The following SLC30A7 variants were observed in gnomAD, a reference collection of about 807,000 sequenced individuals.
The protein encoded by SLC30A7 is zinc transporter 7.
Under a neutral mutation model 46.0 loss-of-function variants are expected in SLC30A7, and 35 were observed. The ratio of observed to expected loss-of-function variants is 0.76; its 90% CI spans 0.58 to 1.01. The LOEUF (loss-of-function observed/expected upper bound fraction) is 1.01, where lower values mean the gene tolerates loss of function less well. SLC30A7 is among the 50% of genes least tolerant of loss of function. The pLI, the probability that SLC30A7 is intolerant of heterozygous loss-of-function variation, is 0.00. For synonymous variants in SLC30A7, 147 were observed against 157.8 expected, an observed-to-expected ratio of 0.93 and a Z score of 0.51; for missense variants, 464 against 451.1, an observed-to-expected ratio of 1.03 and a Z score of -0.26.
intron 7 of SLC30A7, among the ~76,000 whole-genome samples, chr1:100,920,119 T>C (rs1570531113): frequency 6.6e-6 from 1 of 152,092 alleles, no homozygotes; most frequent in Non-Finnish European, 1.5e-5. Flanking sequence ...CCAGGGACTT[T>C]CCAGTCTAAG....
In SLC30A7 at chr1:100,919,567, A is replaced by AT. The variant is rs573617777; in HGVS notation, c.706+1441dup. Among the ~76,000 whole-genome samples the AT allele has an allele frequency of 6.6e-3, 1,011 of 152,320 alleles. 6 individuals carry two copies. The highest frequency in any genetic ancestry group is 0.011 in the Non-Finnish European group (736 of 68,006). On this transcript the variant is annotated intron_variant, in intron 7 of 10. Transcript: ENST00000357650. ...TTGTTTTAGAATAACATTTGCTGAA[A>AT]TAACATATAATCATGCATATATGAT...
intron 8 of SLC30A7, among the ~76,000 whole-genome samples, chr1:100,938,712 T>A (rs568468208): frequency 6.6e-6 from 1 of 152,218 alleles, no homozygotes. Context: ...TCATTATAGC[T>A]GTGTAACACA....
chr1:100,896,619 C>T lies in SLC30A7; in HGVS notation c.130C>T (p.Leu44=). 1 of 1,614,140 alleles carries T rather than the reference C, an allele frequency of 6.2e-7. No homozygotes were observed. Among genetic ancestry groups the T allele is most frequent in the Non-Finnish European group, 8.5e-7 (1 of 1,180,012 alleles). Residue 44 remains leucine, a synonymous_variant, in exon 2 of 11, where the codon CTG becomes TTG. Coordinates refer to ENST00000357650, the MANE Select transcript of SLC30A7 (RefSeq NM_133496.5). The part of the protein sequence containing the change: ...TSRNLFFFLC[L]NLSFAFVELL... ...CCGGAACCTGTTTTTCTTCCTGTGC[C>T]TGAACCTCTCTTTCGCTTTTGTGGA...
intron 8 of SLC30A7, among the ~76,000 whole-genome samples, chr1:100,933,280 AT>A (rs1414771213): frequency 1.3e-5 from 2 of 151,300 alleles, no homozygotes; most frequent in Non-Finnish European, 1.5e-5. Context: ...GGCCACCACA[AT>A]TTTTTTTAGC....
chr1:100,957,020 A>G (rs1655259189), intron 8 of SLC30A7, among the ~76,000 whole-genome samples: 1 of 152,192 alleles, frequency 6.6e-6, no homozygotes, highest in Non-Finnish European at 1.5e-5. Flanking sequence ...TATATTATTT[A>G]TTTTTGTATT....
intron 8 of SLC30A7, among the ~76,000 whole-genome samples, chr1:100,934,739 A>G (rs1653851481): frequency 6.6e-6 from 1 of 151,548 alleles, no homozygotes; most frequent in Non-Finnish European, 1.5e-5. Context: ...TTTGCTTAGC[A>G]TTTTACATGT....
At position 100,977,416 on chromosome 1, in the gene SLC30A7, G is replaced by T. The variant is rs973899303; in HGVS notation, c.*2559G>T. ...TGCCAGTATACCTATGTGTGCAGCA[G>T]TAAAAAATTAGTGAGAAAAAGCAAC... On this transcript the variant is annotated 3_prime_UTR_variant, in exon 11 of 11. Transcript: ENST00000357650. 4 of 152,166 alleles carry T rather than the reference G, an allele frequency of 2.6e-5. No homozygotes were observed. Among genetic ancestry groups the T allele is most frequent in the African/African-American group, 9.7e-5 (4 of 41,440 alleles). 9.4% of individuals were successfully genotyped at this position (152,166 alleles called of 1,614,324 possible).
rs1250261898 is a variant in SLC30A7 at position 100,976,675 on chromosome 1, T to C, written c.*1818T>C. ...AAGAATGTAGATCAATAAGTACTTT[T>C]TAGTGATGTGGCAGAAATCCCTGTT... On this transcript the variant is annotated 3_prime_UTR_variant, in exon 11 of 11. Transcript: ENST00000357650. 6.6e-6 allele frequency: 1 copy of C among 152,634 alleles called. No individual in the cohort carries two copies. The highest frequency in any genetic ancestry group is 2.4e-5 in the African/African-American group (1 of 41,460). The allele number at this position is 152,634 out of a possible 1,614,324, so 9.5% of individuals were successfully genotyped here.
rs1656631625 is a variant in SLC30A7, at chr1:100,977,790, G to A, written c.*2933G>A. ...TTGTATTAGATGGAATTTCACTCTT[G>A]TCGCCCAGGCTGGAGTGTAGTGGCG... On this transcript the variant is annotated 3_prime_UTR_variant, in exon 11 of 11. Coordinates refer to ENST00000357650, the MANE Select transcript of SLC30A7 (RefSeq NM_133496.5). The A allele has an allele frequency of 6.6e-6, 1 of 151,992 alleles. No individual in the cohort carries two copies. Among genetic ancestry groups the A allele is most frequent in the African/African-American group, 2.4e-5 (1 of 41,368 alleles). 9.4% of individuals were successfully genotyped at this position (151,992 alleles called of 1,614,324 possible).
chr1:100,949,496 C>T (rs567034956), intron 8 of SLC30A7, among the ~76,000 whole-genome samples: 4 of 152,286 alleles, frequency 2.6e-5, no homozygotes, highest in African/African-American at 4.8e-5. Flanking sequence ...GCAGTCTGTC[C>T]GTTCTCAGTG....
At chr1:100,945,487 T>C (rs1188093670) in intron 8 of SLC30A7, among the ~76,000 whole-genome samples, 1 of 152,222 alleles carries the variant, frequency 6.6e-6, no homozygotes, top group Non-Finnish European at 1.5e-5. Flanking sequence ...AAGGATCCAG[T>C]TTCAGCTTTC....
Position 100,898,980 on chromosome 1 carries a change from T to C in SLC30A7, c.182+2309T>C, listed in dbSNP as rs1019142604. ...CACAAATAAAGGTTCATAGAAGCAGTTGATCTAATTTTAACAAATGTTAAA... is the reference window on the plus strand; with the variant it reads ...CACAAATAAAGGTTCATAGAAGCAGCTGATCTAATTTTAACAAATGTTAAA... On this transcript the variant is annotated intron_variant, in intron 2 of 10. Transcript: ENST00000357650. Among the ~76,000 whole-genome samples the C allele has an allele frequency of 5.9e-5, 9 of 152,354 alleles. No homozygotes were observed. The East Asian group carries it at 1.3e-3, about 23-fold the overall frequency.
chr1:100,898,550 G>A (rs550729325), intron 2 of SLC30A7, among the ~76,000 whole-genome samples: 17 of 152,140 alleles, frequency 1.1e-4, no homozygotes, highest in Non-Finnish European at 2.4e-4. Flanking sequence ...GCACGTATCC[G>A]TCATCTCATG....
chr1:100,941,292 C>T (rs1334143328), intron 8 of SLC30A7: 1 of 378,106 alleles, frequency 2.6e-6, no homozygotes, highest in Non-Finnish European at 5.1e-6. Context: ...CCACCAAAGC[C>T]ACCATGACCA....
chr1:100,937,051 A>G (rs1005949187), intron 8 of SLC30A7, among the ~76,000 whole-genome samples: 3 of 152,134 alleles, frequency 2.0e-5, no homozygotes, highest in Non-Finnish European at 4.4e-5. Flanking sequence ...CTATGCATGT[A>G]GGAATGCCTG....
At chr1:100,908,054 C>G (rs921838995) in intron 3 of SLC30A7, among the ~76,000 whole-genome samples, 2 of 151,980 alleles carry the variant, frequency 1.3e-5, no homozygotes, top group Non-Finnish European at 2.9e-5. Context: ...TTTTTTGTCT[C>G]CCTTTCCAAG....
intron 6 of SLC30A7, among the ~76,000 whole-genome samples, chr1:100,915,260 T>TCTTTCTTTCTTTCTTC (rs1652463323): frequency 7.3e-6 from 1 of 136,742 alleles, no homozygotes; most frequent in East Asian, 2.1e-4. Context: ...TTTCTTCCTT[T>TCTTTCTTTCTTTCTTC]CTTTCTTTCT....
At chr1:100,924,474 A>G (rs1284759104) in intron 8 of SLC30A7, among the ~76,000 whole-genome samples, 2 of 152,070 alleles carry the variant, frequency 1.3e-5, no homozygotes, top group Non-Finnish European at 2.9e-5. Flanking sequence ...ATTCAGTTTA[A>G]ATGGCATTTC....
intron 8 of SLC30A7, among the ~76,000 whole-genome samples, chr1:100,948,849 G>A (rs1335155416): frequency 6.6e-6 from 1 of 152,096 alleles, no homozygotes; most frequent in African/African-American, 2.4e-5. Context: ...GCTTGTGCAT[G>A]CGTCATGAAG....
Sources: gnomAD v4.1 joint callset for allele counts (sites outside exome capture counted in the v4.1 genomes callset) on GRCh38, gnomAD v4.1.1 for gene constraint, MANE v1.5 for transcripts, NCBI Gene and HGNC (gene_info 2026-07-23, HGNC 2026-07-21) for gene names.